Variants in FLT1 observed in about 807,000 individuals in gnomAD.
The protein encoded by FLT1 is fms related receptor tyrosine kinase 1.
In FLT1, 49 loss-of-function variants were observed where a neutral mutation model predicts 156.3. The observed-to-expected ratio is 0.31, with a 90% confidence interval of 0.25 to 0.40. The LOEUF is 0.40. FLT1 is among the 10% of genes least tolerant of loss of function. The pLI is 1.00. For missense variants in FLT1, 1,322 were observed against 1,637.2 expected (o/e 0.81, Z 3.32); for synonymous variants, 594 against 583.8 (o/e 1.02, Z -0.25).
chr13:28,406,885 A>T (rs535888786), intron 10 of FLT1, among the ~76,000 whole-genome samples: 101 of 152,252 alleles, frequency 6.6e-4, no homozygotes, highest in African/African-American at 2.3e-3. Context: ...ATGAGAGGCT[A>T]AAGTCAGTGA....
In FLT1 at chr13:28,390,061, C is replaced by T. The variant is rs17537350; in HGVS notation, c.1704G>A (p.Thr568=). 0.07 allele frequency: 113,389 copies of T among 1,613,946 alleles called. 5,790 individuals are homozygous for T. Among genetic ancestry groups the T allele is most frequent in the Admixed American group, 0.27 (16,046 of 60,014 alleles). The change falls in exon 13 of 30, where the codon ACG becomes ACA. Residue 568 remains threonine, a synonymous_variant. Transcript: ENST00000282397. ...AAGACAGTTTCAGGTCCTCTCCTTC[C>T]GTCGGCATTTTTTCCAAGTTAACAT... ...GFHVNLEKMP[T]EGEDLKLSCT... is the part of the protein sequence containing the mutation.
At chr13:28,425,085 C>T (rs1050758001) in intron 10 of FLT1, among the ~76,000 whole-genome samples, 2 of 152,174 alleles carry the variant, frequency 1.3e-5, no homozygotes, top group African/African-American at 4.8e-5. Context: ...GTTAACTGTA[C>T]TGATTTAACC....
chr13:28,357,730 C>CA (rs765056892), intron 14 of FLT1, 45 bp from the exon 15 acceptor site: 1 of 1,572,140 alleles, frequency 6.4e-7, no homozygotes, highest in Non-Finnish European at 8.8e-7. Context: ...GGATGACAAA[C>CA]AAAAAACAGC....
At chr13:28,315,962 T>C (rs1319480351) in intron 25 of FLT1, among the ~76,000 whole-genome samples, 1 of 152,236 alleles carries the variant, frequency 6.6e-6, no homozygotes, top group African/African-American at 2.4e-5. Flanking sequence ...TTACAATAGC[T>C]GCCCTGACCA....
intron 1 of FLT1, among the ~76,000 whole-genome samples, chr13:28,489,759 G>C (rs770877894): frequency 1.3e-5 from 2 of 152,098 alleles, no homozygotes; most frequent in African/African-American, 4.8e-5. Context: ...GAGAAGTGGC[G>C]AAAGACAAAG....
chr13:28,470,088 C>T (rs969874572), intron 1 of FLT1, among the ~76,000 whole-genome samples: 11 of 152,006 alleles, frequency 7.2e-5, no homozygotes, highest in African/African-American at 1.7e-4. Context: ...CAGTAGATCC[C>T]GGTATCAAAG....
intron 19 of FLT1, 95 bp from the exon 20 acceptor site, chr13:28,327,645 A>C: frequency 1.2e-6 from 1 of 820,894 alleles, no homozygotes; most frequent in South Asian, 1.4e-5. Context: ...CAAACCAACC[A>C]GCCTTTGTAT....
Position 28,466,874 on chromosome 13 carries a change from A to C in FLT1, c.388+29T>G, listed in dbSNP as rs1437873160. The C allele has an allele frequency of 3.3e-6, 5 of 1,503,500 alleles. No individual in the cohort carries two copies. The Admixed American group carries it at 8.4e-5, about 25-fold the overall frequency. The allele number at this position is 1,503,500 out of a possible 1,614,324, so 93.1% of individuals were successfully genotyped here. On this transcript the variant is annotated intron_variant, in intron 3 of 29. Coordinates refer to ENST00000282397, the MANE Select transcript of FLT1 (RefSeq NM_002019.4). ...TATGACTCATTTGCAAAGCAAAAGCAAACAGAATGTAGAAAATGGAAGTCT... is the reference window on the plus strand; with the variant it reads ...TATGACTCATTTGCAAAGCAAAAGCCAACAGAATGTAGAAAATGGAAGTCT...
chr13:28,425,783 C>G lies in FLT1; in HGVS notation c.1436+1376G>C, dbSNP rs114076410. 5.8e-3 allele frequency among the ~76,000 whole-genome samples: 887 copies of G among 152,010 alleles called. 13 individuals carry two copies. The highest frequency in any genetic ancestry group is 0.02 in the African/African-American group (845 of 41,464). ...TTGGCACATATGTCAAGACCCTAAA[C>G]GGATGGGTCGATAAATATTGATGCA... On this transcript the variant is annotated intron_variant, in intron 10 of 29. Coordinates refer to ENST00000282397, the MANE Select transcript of FLT1 (RefSeq NM_002019.4).
Position 28,300,682 on chromosome 13 carries a change from TAACATCTC to T in FLT1, c.*2477_*2484del, listed in dbSNP as rs957881688. On this transcript the variant is annotated 3_prime_UTR_variant, in exon 30 of 30. Coordinates refer to ENST00000282397, the MANE Select transcript of FLT1 (RefSeq NM_002019.4). Reference sequence around the variant, plus strand: ...GAAACAAGGCACGGGTCCCTAAAATTAACATCTCGGTGTCACTTCTTGGACTGACAAGA... The same window carrying T: ...GAAACAAGGCACGGGTCCCTAAAATTGGTGTCACTTCTTGGACTGACAAGA... The T allele has an allele frequency of 8.6e-6, 2 of 233,066 alleles. No homozygotes were observed. The highest frequency in any genetic ancestry group is 5.6e-5 in the Admixed American group (1 of 17,770). 14.4% of individuals were successfully genotyped at this position (233,066 alleles called of 1,614,324 possible).
chr13:28,317,852 T>C (rs1000418468), intron 24 of FLT1, among the ~76,000 whole-genome samples: 6 of 152,250 alleles, frequency 3.9e-5, no homozygotes, highest in Admixed American at 3.3e-4. Flanking sequence ...CTATGGCTAC[T>C]TCTGCCTGTG....
At chr13:28,389,762 CGA>C (rs1246066469) in intron 13 of FLT1, 32 bp downstream of exon 13, 1 of 1,613,902 alleles carries the variant, frequency 6.2e-7, no homozygotes, top group Non-Finnish European at 8.5e-7. Context: ...TTTGGAGATC[CGA>C]GAGAAAACAG....
chr13:28,422,888 C>T (rs908796148), intron 10 of FLT1, among the ~76,000 whole-genome samples: 2 of 152,190 alleles, frequency 1.3e-5, no homozygotes, highest in Non-Finnish European at 2.9e-5. Flanking sequence ...TCCTGAAATC[C>T]ACCCTTTCCA....
At chr13:28,404,718 T>G (rs1286172806) in intron 11 of FLT1, among the ~76,000 whole-genome samples, 2 of 152,178 alleles carry the variant, frequency 1.3e-5, no homozygotes, top group Non-Finnish European at 2.9e-5. Context: ...TGATATGTTT[T>G]TTCTTTTTAA....
intron 11 of FLT1, among the ~76,000 whole-genome samples, chr13:28,403,791 C>T (rs1475584012): frequency 6.6e-6 from 1 of 152,146 alleles, no homozygotes; most frequent in Non-Finnish European, 1.5e-5. Flanking sequence ...TGCCTGTAAT[C>T]CCAGAACTTT....
At chr13:28,490,517 C>G (rs1031879416) in intron 1 of FLT1, among the ~76,000 whole-genome samples, 1 of 152,178 alleles carries the variant, frequency 6.6e-6, no homozygotes, top group African/African-American at 2.4e-5. Context: ...CTTCCCCTCC[C>G]TCAATCTGGT....
At position 28,324,850 on chromosome 13, in the gene FLT1, C is replaced by G. The variant is rs149576634; in HGVS notation, c.2797-1904G>C. 3.1e-3 allele frequency among the ~76,000 whole-genome samples: 474 copies of G among 152,298 alleles called. 2 individuals carry two copies. Among genetic ancestry groups the G allele is most frequent in the African/African-American group, 0.011 (454 of 41,558 alleles). ...GGACCAAAACTCAGGCTCTCTCACT[C>G]CCTTCCTGACTCCCAATCAATTGTA... On this transcript the variant is annotated intron_variant, in intron 20 of 29. Coordinates refer to ENST00000282397, the MANE Select transcript of FLT1 (RefSeq NM_002019.4).
intron 20 of FLT1, 135 bp from the exon 21 acceptor site, chr13:28,323,081 G>C (rs1360863720): frequency 1.1e-6 from 1 of 914,796 alleles, no homozygotes; most frequent in African/African-American, 1.6e-5. Flanking sequence ...AACTAGCACA[G>C]GGGCCCTACG....
Position 28,340,214 on chromosome 13 carries a change from T to TAAAA in FLT1, c.2356-918_2356-915dup, listed in dbSNP as rs58243230. Among the ~76,000 whole-genome samples the TAAAA allele has an allele frequency of 5.5e-3, 738 of 134,916 alleles. 5 individuals carry two copies. Among genetic ancestry groups the TAAAA allele is most frequent in the African/African-American group, 0.019 (688 of 37,134 alleles). 88.5% of individuals were successfully genotyped at this position (134,916 alleles called of 152,430 possible). On this transcript the variant is annotated intron_variant, in intron 16 of 29. Transcript: ENST00000282397. The stretch of plus-strand genomic sequence containing the variant: ...TGGGCGACAGAGCGAGACTCTGTCT[T>TAAAA]AAAAAAAAAAAAAAAAGATTATTTC...
Sources: allele counts gnomAD v4.1 joint callset (sites outside exome capture counted in the v4.1 genomes callset), GRCh38; gene constraint gnomAD v4.1.1; transcripts MANE v1.5; gene names NCBI Gene and HGNC (gene_info 2026-07-23, HGNC 2026-07-21).